The following CDC42BPA variants were observed in gnomAD, a reference collection of about 807,000 sequenced individuals.
The protein encoded by CDC42BPA is CDC42 binding protein kinase alpha, also known as serine/threonine-protein kinase MRCK alpha.
In CDC42BPA, 80 loss-of-function variants were observed where a neutral mutation model predicts 223.5. The ratio of observed to expected loss-of-function variants is 0.36; its 90% confidence interval spans 0.30 to 0.43. The LOEUF (loss-of-function observed/expected upper bound fraction) is 0.43, where lower values mean the gene tolerates loss of function less well. Among genes scored for constraint, CDC42BPA ranks in the 20% least tolerant of loss-of-function variants. The pLI is 1.00. For missense variants in CDC42BPA, 1,743 were observed against 2,099.9 expected, an observed-to-expected ratio of 0.83 and a Z score of 3.32; for synonymous variants, 694 against 718.6, an observed-to-expected ratio of 0.97 and a Z score of 0.55.
Position 227,112,785 on chromosome 1 carries a change from T to C in CDC42BPA, c.1776A>G (p.Gln592=), listed in dbSNP as rs1347220664. Reference sequence around the variant, plus strand: ...GGACATGGCGAGCAAGTTTCTGTTTTTGGGTGTGCAATTCTGTTAGCCGCT... The same window carrying C: ...GGACATGGCGAGCAAGTTTCTGTTTCTGGGTGTGCAATTCTGTTAGCCGCT... ...INERLTELHT[Q]KQKLARHVRD... is the part of the protein sequence containing the mutation. The change falls in exon 13 of 37, where the codon CAA becomes CAG. Residue 592 remains glutamine (Q), a synonymous_variant. Transcript: ENST00000366766. 2 of 1,613,988 alleles carry C rather than the reference T, an allele frequency of 1.2e-6. No individual in the cohort carries two copies. Among genetic ancestry groups the C allele is most frequent in the East Asian group, 2.2e-5 (1 of 44,884 alleles).
At chr1:227,193,170 G>A (rs1670031437) in intron 5 of CDC42BPA, among the ~76,000 whole-genome samples, 2 of 145,546 alleles carry the variant, frequency 1.4e-5, no homozygotes, top group Admixed American at 7.1e-5. Flanking sequence ...CCGGGTTCAC[G>A]CCATTCTCCT....
intron 11 of CDC42BPA, among the ~76,000 whole-genome samples, chr1:227,127,148 T>C (rs1351712922): frequency 1.3e-5 from 2 of 152,108 alleles, no homozygotes; most frequent in Non-Finnish European, 2.9e-5. Context: ...ACAATAAAAT[T>C]AAAAATACGA....
At chr1:227,300,881 C>A (rs1691510990) in intron 1 of CDC42BPA, among the ~76,000 whole-genome samples, 1 of 152,206 alleles carries the variant, frequency 6.6e-6, no homozygotes, top group African/African-American at 2.4e-5. Flanking sequence ...ACTTGAACAT[C>A]AGAAGAGCGG....
chr1:227,314,904 C>G (rs1451555035), intron 1 of CDC42BPA, among the ~76,000 whole-genome samples: 1 of 151,932 alleles, frequency 6.6e-6, no homozygotes, highest in Non-Finnish European at 1.5e-5. Flanking sequence ...GTTTAGAACA[C>G]TGAACTGAGG....
intron 17 of CDC42BPA, among the ~76,000 whole-genome samples, chr1:227,076,269 A>AT (rs1317539193): frequency 1.3e-5 from 2 of 151,686 alleles, no homozygotes; most frequent in Non-Finnish European, 1.5e-5. Context: ...TTATTTATTT[A>AT]TTTTTTTGAG....
chr1:227,062,619 T>C (rs1676154574), intron 21 of CDC42BPA, among the ~76,000 whole-genome samples: 3 of 152,164 alleles, frequency 2.0e-5, no homozygotes, highest in Non-Finnish European at 2.9e-5. Flanking sequence ...TCAATAAATA[T>C]TGAATGAATC....
chr1:227,012,839 T>C (rs1421642133), intron 34 of CDC42BPA, among the ~76,000 whole-genome samples: 1 of 152,126 alleles, frequency 6.6e-6, no homozygotes. Context: ...GGCATGCATA[T>C]TATTATTATT....
intron 22 of CDC42BPA, among the ~76,000 whole-genome samples, chr1:227,051,422 A>T (rs1282925144): frequency 6.6e-6 from 1 of 152,188 alleles, no homozygotes; most frequent in Non-Finnish European, 1.5e-5. Context: ...GATTTAGTTG[A>T]CTGTTACCAA....
intron 21 of CDC42BPA, among the ~76,000 whole-genome samples, chr1:227,055,249 C>T (rs904791840): frequency 2.6e-5 from 4 of 151,948 alleles, no homozygotes; most frequent in South Asian, 2.1e-4. Context: ...TTTCATTTCT[C>T]GGTTACCGCC....
intron 5 of CDC42BPA, among the ~76,000 whole-genome samples, chr1:227,186,908 G>A (rs1244452124): frequency 6.6e-6 from 1 of 152,126 alleles, no homozygotes; most frequent in Non-Finnish European, 1.5e-5. Flanking sequence ...TACAAAGAAC[G>A]AATGTATAGC....
chr1:227,250,865 A>C (rs369672111), intron 2 of CDC42BPA, among the ~76,000 whole-genome samples: 53 of 152,136 alleles, frequency 3.5e-4, no homozygotes, highest in African/African-American at 1.3e-3. Context: ...CAGCCTAGGC[A>C]ACGTAGGAAA....
intron 27 of CDC42BPA, among the ~76,000 whole-genome samples, chr1:227,032,558 G>T (rs1669478391): frequency 6.6e-6 from 1 of 152,144 alleles, no homozygotes; most frequent in African/African-American, 2.4e-5. Context: ...TCATCAAGAG[G>T]TGGAGTCTAT....
At chr1:227,284,830 T>A (rs1457354945) in intron 1 of CDC42BPA, among the ~76,000 whole-genome samples, 2 of 151,916 alleles carry the variant, frequency 1.3e-5, no homozygotes, top group Non-Finnish European at 2.9e-5. Context: ...GGCATGATGG[T>A]ACACGTCTGT....
intron 2 of CDC42BPA, among the ~76,000 whole-genome samples, chr1:227,231,977 CTTTAG>C (rs1341445448): frequency 2.6e-5 from 4 of 152,164 alleles, no homozygotes; most frequent in Admixed American, 2.6e-4. Flanking sequence ...TACAGAAGCT[CTTTAG>C]TTTAATTAGA....
intron 10 of CDC42BPA, among the ~76,000 whole-genome samples, chr1:227,135,810 C>T (rs2149572581): frequency 8.2e-6 from 1 of 121,586 alleles, no homozygotes; most frequent in South Asian, 2.9e-4. Context: ...ACCGAGATCA[C>T]ACCACTGCAC....
chr1:227,272,011 T>C (rs1422395041), intron 1 of CDC42BPA, among the ~76,000 whole-genome samples: 4 of 152,304 alleles, frequency 2.6e-5, no homozygotes, highest in Non-Finnish European at 5.9e-5. Context: ...AAGAACACTA[T>C]TATAAATTAA....
intron 11 of CDC42BPA, among the ~76,000 whole-genome samples, chr1:227,120,171 G>GAAA (rs75557950): frequency 7.9e-6 from 1 of 126,298 alleles, no homozygotes; most frequent in Non-Finnish European, 1.7e-5. Flanking sequence ...TACTCATTAG[G>GAAA]AAAAAAAAAA....
chr1:227,312,533 GT>G (rs1693705228), intron 1 of CDC42BPA, among the ~76,000 whole-genome samples: 1 of 152,082 alleles, frequency 6.6e-6, no homozygotes, highest in Non-Finnish European at 1.5e-5. Context: ...CTGACATCCT[GT>G]TTTCACTCAT....
intron 12 of CDC42BPA, among the ~76,000 whole-genome samples, chr1:227,116,230 C>T (rs936698853): frequency 1.3e-5 from 2 of 152,014 alleles, no homozygotes; most frequent in African/African-American, 4.8e-5. Context: ...TGGGCTTAAC[C>T]CAGAAATATA....
Sources: gnomAD v4.1 joint callset for allele counts (sites outside exome capture counted in the v4.1 genomes callset) on GRCh38, gnomAD v4.1.1 for gene constraint, MANE v1.5 for transcripts, NCBI Gene and HGNC (gene_info 2026-07-23, HGNC 2026-07-21) for gene names.